The following PTPRK variants were observed in gnomAD, a reference collection of about 807,000 sequenced individuals.
PTPRK encodes the protein protein tyrosine phosphatase receptor type K.
Under a neutral mutation model 178.0 loss-of-function variants are expected in PTPRK, and 75 were observed. The observed-to-expected ratio is 0.42, with a 90% CI of 0.35 to 0.51. The LOEUF (loss-of-function observed/expected upper bound fraction) is 0.51, where lower values mean the gene tolerates loss of function less well. PTPRK is among the 20% of genes least tolerant of loss of function. PTPRK has a pLI of 0.02. For missense variants in PTPRK, 1,441 were observed against 1,797.8 expected, an observed-to-expected ratio of 0.80 and a Z score of 3.59; for synonymous variants, 637 against 620.6, an observed-to-expected ratio of 1.03 and a Z score of -0.39.
At chr6:128,167,979 G>T (rs994886460) in intron 7 of PTPRK, among the ~76,000 whole-genome samples, 2 of 151,976 alleles carry the variant, frequency 1.3e-5, no homozygotes, top group African/African-American at 4.8e-5. Flanking sequence ...TCTACTCTGA[G>T]GTAAAATGTT....
intron 1 of PTPRK, among the ~76,000 whole-genome samples, chr6:128,479,750 C>T (rs1851821650): frequency 1.3e-5 from 2 of 152,094 alleles, no homozygotes; most frequent in African/African-American, 4.8e-5. Flanking sequence ...TCTTTTCTCA[C>T]AGCAAACAAA....
intron 13 of PTPRK, among the ~76,000 whole-genome samples, chr6:128,063,042 G>C (rs1429684074): frequency 1.3e-5 from 2 of 151,912 alleles, no homozygotes; most frequent in Non-Finnish European, 1.5e-5. Context: ...TTAATTTTTG[G>C]AATGAGGGTT....
intron 1 of PTPRK, among the ~76,000 whole-genome samples, chr6:128,429,685 G>GT (rs1844573794): frequency 6.6e-6 from 1 of 152,242 alleles, no homozygotes; most frequent in Admixed American, 6.5e-5. Flanking sequence ...GCAGAGAAAT[G>GT]TTTTAAAGGG....
intron 13 of PTPRK, among the ~76,000 whole-genome samples, chr6:128,026,703 G>A (rs1193840008): frequency 6.6e-6 from 1 of 152,038 alleles, no homozygotes; most frequent in Non-Finnish European, 1.5e-5. Context: ...AAAAATATAA[G>A]AAGTATTCTT....
chr6:128,035,904 A>C (rs1160844123), intron 13 of PTPRK, among the ~76,000 whole-genome samples: 2 of 152,214 alleles, frequency 1.3e-5, no homozygotes, highest in Non-Finnish European at 2.9e-5. Context: ...GAATAGTGGC[A>C]AACATCAGAG....
chr6:128,184,388 T>A, intron 7 of PTPRK, 44 bp downstream of exon 7: 2 of 1,578,880 alleles, frequency 1.3e-6, no homozygotes, highest in South Asian at 1.1e-5. Flanking sequence ...TGTCTTATGC[T>A]AGATTCCTTC....
intron 1 of PTPRK, among the ~76,000 whole-genome samples, chr6:128,419,313 T>C (rs73589567): frequency 0.014 from 2,080 of 152,016 alleles, 45 homozygotes; most frequent in African/African-American, 0.048. Flanking sequence ...TATTAGAAAG[T>C]GAAAAGACAG....
chr6:128,089,508 G>T (rs1786550611), intron 8 of PTPRK, among the ~76,000 whole-genome samples, 182 bp downstream of exon 8: 2 of 152,150 alleles, frequency 1.3e-5, no homozygotes, highest in African/African-American at 4.8e-5. Flanking sequence ...GTATTTGGAT[G>T]CTTGTCTGAA....
intron 7 of PTPRK, among the ~76,000 whole-genome samples, chr6:128,131,205 C>G (rs2114459502): frequency 6.6e-6 from 1 of 152,248 alleles, no homozygotes; most frequent in Non-Finnish European, 1.5e-5. Context: ...CTATTCATGC[C>G]ATGGCTTTCT....
chr6:128,198,913 T>C (rs1189016523), intron 6 of PTPRK, among the ~76,000 whole-genome samples: 1 of 152,206 alleles, frequency 6.6e-6, no homozygotes, highest in African/African-American at 2.4e-5. Flanking sequence ...GTTGAATGAA[T>C]GCACTTATGA....
intron 10 of PTPRK, among the ~76,000 whole-genome samples, chr6:128,079,543 A>C (rs1784438911): frequency 6.6e-6 from 1 of 152,020 alleles, no homozygotes; most frequent in Non-Finnish European, 1.5e-5. Context: ...ATAATGCTTA[A>C]TTAGGGACTA....
chr6:128,500,372 G>A (rs1236671823), intron 1 of PTPRK, among the ~76,000 whole-genome samples: 4 of 151,604 alleles, frequency 2.6e-5, no homozygotes, highest in Admixed American at 2.6e-4. Flanking sequence ...TTGGGGGGGG[G>A]AGTCTCATTT....
intron 13 of PTPRK, chr6:128,063,658 T>C (rs1781253463): frequency 6.6e-6 from 1 of 152,238 alleles, no homozygotes; most frequent in Non-Finnish European, 1.5e-5. Flanking sequence ...CTGTGTATAT[T>C]TTCTCTTTAA....
At chr6:128,301,732 C>T (rs1316555452) in intron 3 of PTPRK, among the ~76,000 whole-genome samples, 1 of 152,050 alleles carries the variant, frequency 6.6e-6, no homozygotes, top group African/African-American at 2.4e-5. Context: ...TTTAATTCAT[C>T]TGAATATACA....
At chr6:128,297,953 G>C (rs1225093981) in intron 3 of PTPRK, among the ~76,000 whole-genome samples, 2 of 151,938 alleles carry the variant, frequency 1.3e-5, no homozygotes, top group African/African-American at 4.8e-5. Context: ...TTTTTGAAAG[G>C]ATCAACAAAA....
chr6:128,481,991 G>A (rs970147587), intron 1 of PTPRK, among the ~76,000 whole-genome samples: 2 of 152,006 alleles, frequency 1.3e-5, no homozygotes, highest in Non-Finnish European at 2.9e-5. Flanking sequence ...AATCAAATAT[G>A]CTATCCCAAA....
intron 15 of PTPRK, chr6:128,000,428 A>G: frequency 1.3e-6 from 1 of 772,816 alleles, no homozygotes; most frequent in East Asian, 8.4e-5. Flanking sequence ...TATTAAGCTG[A>G]ATGCTCTTTT....
intron 1 of PTPRK, among the ~76,000 whole-genome samples, chr6:128,463,633 A>T (rs955252927): frequency 2.0e-5 from 3 of 152,132 alleles, no homozygotes; most frequent in Non-Finnish European, 2.9e-5. Context: ...AGATAACAAC[A>T]TAAAACTAAT....
intron 5 of PTPRK, 100 bp downstream of exon 5, chr6:128,239,931 GCACA>G: frequency 1.6e-5 from 12 of 734,782 alleles, no homozygotes; most frequent in Admixed American, 2.7e-5. Flanking sequence ...GTGTGCACAC[GCACA>G]CACACACACA....
Sources: allele counts gnomAD v4.1 joint callset (sites outside exome capture counted in the v4.1 genomes callset), GRCh38; gene constraint gnomAD v4.1.1; transcripts MANE v1.5; gene names NCBI Gene and HGNC (gene_info 2026-07-23, HGNC 2026-07-21).